KIAA1549L: variants seen among roughly 807,000 people sequenced by gnomAD.
KIAA1549L encodes KIAA1549 like, also known as UPF0606 protein KIAA1549L.
In KIAA1549L, 88 loss-of-function variants were observed where a neutral mutation model predicts 160.7. The ratio of observed to expected loss-of-function variants is 0.55; its 90% CI spans 0.46 to 0.65. The LOEUF is 0.65. Among genes scored for constraint, KIAA1549L ranks in the 30% least tolerant of loss-of-function variants. The pLI is 0.00. For synonymous variants in KIAA1549L, 950 were observed against 976.7 expected (o/e 0.97, Z 0.51); for missense variants, 2,258 against 2,437.5 (o/e 0.93, Z 1.55).
intron 1 of KIAA1549L, among the ~76,000 whole-genome samples, chr11:33,485,020 T>A (rs1159693542): frequency 1.3e-5 from 2 of 152,202 alleles, no homozygotes; most frequent in African/African-American, 4.8e-5. Context: ...CTTCATCCCC[T>A]GATTTTGATA....
intron 17 of KIAA1549L, among the ~76,000 whole-genome samples, chr11:33,655,144 G>A (rs948225380): frequency 6.6e-5 from 10 of 152,182 alleles, no homozygotes; most frequent in African/African-American, 2.4e-4. Context: ...AATCCTGTCT[G>A]TCTCTGTCTG....
At chr11:33,378,680 T>C (rs899729953) in intron 1 of KIAA1549L, among the ~76,000 whole-genome samples, 26 of 152,190 alleles carry the variant, frequency 1.7e-4, no homozygotes, top group Non-Finnish European at 1.0e-4. Flanking sequence ...GCTGTCCCCC[T>C]TTATGACCAG....
intron 1 of KIAA1549L, among the ~76,000 whole-genome samples, chr11:33,474,677 C>A (rs1026178207): frequency 6.6e-6 from 1 of 152,154 alleles, no homozygotes; most frequent in African/African-American, 2.4e-5. Flanking sequence ...ATGATAATAG[C>A]CACTTTGGGA....
At chr11:33,537,389 C>T (rs1055871561) in intron 1 of KIAA1549L, among the ~76,000 whole-genome samples, 9 of 152,060 alleles carry the variant, frequency 5.9e-5, no homozygotes, top group Non-Finnish European at 1.0e-4. Flanking sequence ...TTCCTTAAGA[C>T]GTTGCTTAAC....
At chr11:33,471,501 A>T (rs1852177413) in intron 1 of KIAA1549L, among the ~76,000 whole-genome samples, 1 of 152,104 alleles carries the variant, frequency 6.6e-6, no homozygotes, top group Non-Finnish European at 1.5e-5. Context: ...CATTCTCTTC[A>T]TTCCAGATCT....
intron 1 of KIAA1549L, among the ~76,000 whole-genome samples, chr11:33,447,030 C>T (rs143015065): frequency 7.9e-4 from 120 of 152,276 alleles, no homozygotes; most frequent in African/African-American, 2.7e-3. Context: ...GACATATAAT[C>T]GTACAAAAAG....
At chr11:33,447,344 A>G (rs1390760866) in intron 1 of KIAA1549L, among the ~76,000 whole-genome samples, 1 of 152,202 alleles carries the variant, frequency 6.6e-6, no homozygotes, top group African/African-American at 2.4e-5. Context: ...TGATGCAATG[A>G]TGGTTTAGAC....
At chr11:33,625,509 G>A (rs1367073552) in intron 16 of KIAA1549L, among the ~76,000 whole-genome samples, 5 of 152,228 alleles carry the variant, frequency 3.3e-5, no homozygotes, top group Non-Finnish European at 5.9e-5. Flanking sequence ...CTAATGGCCA[G>A]TGATGGTGAG....
chr11:33,469,691 G>A (rs989617484), intron 1 of KIAA1549L, among the ~76,000 whole-genome samples: 2 of 152,166 alleles, frequency 1.3e-5, no homozygotes, highest in Non-Finnish European at 2.9e-5. Flanking sequence ...TTGTTATTGT[G>A]TCTTTTTTAT....
intron 6 of KIAA1549L, among the ~76,000 whole-genome samples, chr11:33,553,073 G>A (rs917739476): frequency 2.1e-4 from 32 of 152,168 alleles, no homozygotes; most frequent in Admixed American, 6.5e-4. Flanking sequence ...AGGGTGATGG[G>A]AAAGCGTCCC....
chr11:33,413,683 T>G (rs1323294876), intron 1 of KIAA1549L, among the ~76,000 whole-genome samples: 2 of 152,192 alleles, frequency 1.3e-5, no homozygotes, highest in African/African-American at 2.4e-5. Context: ...GGATAAATTA[T>G]TATTTGTTCT....
At chr11:33,416,184 C>A (rs1406841381) in intron 1 of KIAA1549L, among the ~76,000 whole-genome samples, 1 of 152,148 alleles carries the variant, frequency 6.6e-6, no homozygotes, top group Non-Finnish European at 1.5e-5. Context: ...GTGTCACCGC[C>A]TTCTTGGGCC....
intron 1 of KIAA1549L, among the ~76,000 whole-genome samples, chr11:33,406,709 G>T (rs2615919): frequency 0.46 from 70,626 of 152,128 alleles, 16,936 homozygotes; most frequent in African/African-American, 0.58. Flanking sequence ...AGGGATCAGC[G>T]CTCACTGCAT....
At chr11:33,389,615 C>T (rs558044825) in intron 1 of KIAA1549L, among the ~76,000 whole-genome samples, 1 of 152,228 alleles carries the variant, frequency 6.6e-6, no homozygotes, top group Non-Finnish European at 1.5e-5. Flanking sequence ...GAAACTGAAC[C>T]TTTTTTTCCA....
At chr11:33,426,661 T>G (rs575700050) in intron 1 of KIAA1549L, among the ~76,000 whole-genome samples, 1 of 152,294 alleles carries the variant, frequency 6.6e-6, no homozygotes, top group East Asian at 1.9e-4. Context: ...TTGTCACCAT[T>G]AATCTTAATA....
intron 1 of KIAA1549L, among the ~76,000 whole-genome samples, chr11:33,470,511 T>C (rs1852156241): frequency 6.6e-6 from 1 of 152,128 alleles, no homozygotes; most frequent in African/African-American, 2.4e-5. Context: ...AGTGGTGTGA[T>C]CATGGCTTAC....
At chr11:33,568,277 G>A in intron 9 of KIAA1549L, 50 bp downstream of exon 9, 3 of 1,542,692 alleles carry the variant, frequency 1.9e-6, no homozygotes, top group Non-Finnish European at 2.6e-6. Flanking sequence ...GGGGTAGAGG[G>A]GGGGATGTGC....
intron 17 of KIAA1549L, among the ~76,000 whole-genome samples, chr11:33,648,076 C>T (rs945659626): frequency 1.6e-4 from 25 of 152,280 alleles, no homozygotes; most frequent in African/African-American, 5.1e-4. Flanking sequence ...CTCACTGCAA[C>T]CTCTGCCTCC....
chr11:33,401,304 AAT>A (rs1850495855), intron 1 of KIAA1549L, among the ~76,000 whole-genome samples: 1 of 148,054 alleles, frequency 6.8e-6, no homozygotes. Flanking sequence ...TAAAATATAT[AAT>A]AGATATAAAA....
Sources: allele counts gnomAD v4.1 joint callset (sites outside exome capture counted in the v4.1 genomes callset), GRCh38; gene constraint gnomAD v4.1.1; transcripts MANE v1.5; gene names NCBI Gene and HGNC (gene_info 2026-07-23, HGNC 2026-07-21).